LRRC37A2: variants seen among roughly 807,000 people sequenced by gnomAD.
LRRC37A2 encodes leucine rich repeat containing 37 member A2.
A neutral mutation model predicts 68.8 loss-of-function variants in LRRC37A2; 9 were observed. That is an observed-to-expected ratio of 0.13 (90% CI 0.08 to 0.23). The LOEUF is 0.23. LRRC37A2 is among the 10% of genes least tolerant of loss of function. LRRC37A2 has a pLI of 1.00. For missense variants in LRRC37A2, 168 were observed against 950.4 expected (o/e 0.18, Z 10.82); for synonymous variants, 63 against 367.6 (o/e 0.17, Z 9.48).
chr17:46,751,399 A>C, the LRRC37A2 span: 1 of 781,730 alleles, frequency 1.3e-6, no homozygotes, highest in Non-Finnish European at 2.1e-6. Context: ...CAACTTGAAC[A>C]GTTAGGTAGT....
the LRRC37A2 span, among the ~76,000 whole-genome samples, chr17:46,822,909 G>A: frequency 6.6e-6 from 1 of 151,566 alleles, no homozygotes; most frequent in Admixed American, 6.6e-5. Context: ...CACAGGGGCC[G>A]CTGTGGGCAC....
the LRRC37A2 span, among the ~76,000 whole-genome samples, chr17:47,002,071 A>C: frequency 6.6e-6 from 1 of 151,850 alleles, no homozygotes; most frequent in East Asian, 1.9e-4. Flanking sequence ...AGGTTAGTTT[A>C]TATTTTCTAG....
At chr17:46,760,339 T>C in the LRRC37A2 span, among the ~76,000 whole-genome samples, 1 of 151,958 alleles carries the variant, frequency 6.6e-6, no homozygotes, top group African/African-American at 2.4e-5. Flanking sequence ...ATCTTATTGA[T>C]TGAAAAAGTA....
At chr17:46,827,689 T>C in the LRRC37A2 span, among the ~76,000 whole-genome samples, 1 of 152,202 alleles carries the variant, frequency 6.6e-6, no homozygotes, top group Admixed American at 6.5e-5. Flanking sequence ...TCATGTCTAG[T>C]GTAGGGTAGT....
chr17:46,755,308 A>G, the LRRC37A2 span: 2 of 1,611,738 alleles, frequency 1.2e-6, no homozygotes. Flanking sequence ...CTTCTGATGT[A>G]TTTAGATGGA....
chr17:46,975,699 C>T, the LRRC37A2 span, among the ~76,000 whole-genome samples: 1 of 152,140 alleles, frequency 6.6e-6, no homozygotes, highest in African/African-American at 2.4e-5. Flanking sequence ...ACACTCACAC[C>T]ATGTGCCCAC....
the LRRC37A2 span, among the ~76,000 whole-genome samples, chr17:46,789,642 G>T: frequency 6.6e-6 from 1 of 152,214 alleles, no homozygotes; most frequent in Non-Finnish European, 1.5e-5. Context: ...ACACCATGGG[G>T]AAGCAACTGG....
At chr17:46,740,661 TC>T in the LRRC37A2 span, among the ~76,000 whole-genome samples, 1 of 151,394 alleles carries the variant, frequency 6.6e-6, no homozygotes, top group Non-Finnish European at 1.5e-5. Flanking sequence ...TTTATCTTTT[TC>T]TTTTTTTTTT....
At chr17:46,940,492 G>A in the LRRC37A2 span, 1 of 1,613,408 alleles carries the variant, frequency 6.2e-7, no homozygotes, top group South Asian at 1.1e-5. Context: ...CCTAGCGCAG[G>A]ACTTTTGGTA....
the LRRC37A2 span, chr17:46,751,716 G>A: frequency 6.2e-6 from 4 of 647,682 alleles, no homozygotes; most frequent in Non-Finnish European, 7.4e-6. Flanking sequence ...ATTAATTTAA[G>A]TTTTGATTTT....
the LRRC37A2 span, among the ~76,000 whole-genome samples, chr17:46,687,194 A>AT: frequency 2.9e-5 from 2 of 68,642 alleles, no homozygotes; most frequent in Non-Finnish European, 5.5e-5. Flanking sequence ...TCCTGCTTTT[A>AT]TATTCCTCCA....
the LRRC37A2 span, among the ~76,000 whole-genome samples, chr17:46,796,610 G>T: frequency 6.6e-6 from 1 of 152,200 alleles, no homozygotes; most frequent in East Asian, 1.9e-4. Flanking sequence ...TTCCTGCCCC[G>T]CAGGGGCTCC....
chr17:46,719,981 G>A, the LRRC37A2 span, among the ~76,000 whole-genome samples: 1 of 152,126 alleles, frequency 6.6e-6, no homozygotes, highest in Non-Finnish European at 1.5e-5. The surrounding 1 kb of genome is among the most constrained non-coding windows in gnomAD (Gnocchi z 4.3). Context: ...AGCTTTGCAC[G>A]AAAGAAATAA....
At chr17:46,912,723 G>A in the LRRC37A2 span, among the ~76,000 whole-genome samples, 1 of 152,190 alleles carries the variant, frequency 6.6e-6, no homozygotes, top group African/African-American at 2.4e-5. Flanking sequence ...AGGGGGTGAG[G>A]AGAAATCCAG....
chr17:46,862,551 G>A, the LRRC37A2 span, among the ~76,000 whole-genome samples: 17 of 152,262 alleles, frequency 1.1e-4, no homozygotes, highest in Admixed American at 9.8e-4. Context: ...AAGTCACTGC[G>A]AGAGGTTGTG....
the LRRC37A2 span, among the ~76,000 whole-genome samples, chr17:46,992,856 A>AAC: frequency 6.7e-6 from 1 of 148,574 alleles, no homozygotes. Context: ...TCCATCTCAA[A>AAC]AAAAAAAAAA....
the LRRC37A2 span, among the ~76,000 whole-genome samples, chr17:46,921,717 C>G: frequency 1.3e-5 from 2 of 151,922 alleles, no homozygotes; most frequent in Non-Finnish European, 2.9e-5. Flanking sequence ...ATGCAGCCAA[C>G]AGACACATGA....
the LRRC37A2 span, among the ~76,000 whole-genome samples, chr17:47,000,794 T>A: frequency 6.6e-6 from 1 of 152,148 alleles, no homozygotes; most frequent in Non-Finnish European, 1.5e-5. Flanking sequence ...AACTCTTTGG[T>A]GCCATCTGCA....
the LRRC37A2 span, among the ~76,000 whole-genome samples, chr17:46,888,200 G>T: frequency 9.0e-4 from 137 of 152,312 alleles, no homozygotes; most frequent in African/African-American, 3.2e-3. Context: ...TCCCAGAGAA[G>T]TGAGAGCCCA....
Sources: gnomAD v4.1 joint callset for allele counts (sites outside exome capture counted in the v4.1 genomes callset) on GRCh38, gnomAD v4.1.1 for gene constraint, Gnocchi (gnomAD v3.1) non-coding constraint, MANE v1.5 for transcripts, NCBI Gene and HGNC (gene_info 2026-07-23, HGNC 2026-07-21) for gene names.